Variants in MB21D2 observed in about 807,000 individuals in gnomAD.
MB21D2 encodes nucleotidyltransferase MB21D2.
MB21D2 carries 9 observed loss-of-function variants against 33.3 expected under a neutral mutation model. The ratio of observed to expected loss-of-function variants is 0.27; its 90% CI spans 0.16 to 0.47. The LOEUF (loss-of-function observed/expected upper bound fraction) is 0.47. Among genes scored for constraint, MB21D2 ranks in the 20% least tolerant of loss-of-function variants. The pLI, the probability that MB21D2 is intolerant of heterozygous loss-of-function variation, is 0.99. For synonymous variants in MB21D2, 241 were observed against 236.3 expected, an observed-to-expected ratio of 1.02 and a Z score of -0.18; for missense variants, 540 against 624.6, an observed-to-expected ratio of 0.86 and a Z score of 1.44.
chr3:192,886,069 T>C (rs1031900068), intron 1 of MB21D2, among the ~76,000 whole-genome samples: 1 of 151,954 alleles, frequency 6.6e-6, no homozygotes, highest in African/African-American at 2.4e-5. Context: ...CAAGCAATTC[T>C]CTGCCTCAGC....
At chr3:192,817,848 G>A (rs144193659) in intron 1 of MB21D2, among the ~76,000 whole-genome samples, 64 of 152,030 alleles carry the variant, frequency 4.2e-4, no homozygotes, top group Admixed American at 2.3e-3. Flanking sequence ...TCCTTCCACG[G>A]TGCCCCCATC....
intron 1 of MB21D2, among the ~76,000 whole-genome samples, chr3:192,894,931 T>C (rs376709753): frequency 2.0e-5 from 3 of 152,310 alleles, no homozygotes; most frequent in Admixed American, 6.5e-5. Flanking sequence ...AATCTCCTCT[T>C]TGTCTGACAT....
chr3:192,876,416 C>G (rs1000225586), intron 1 of MB21D2, among the ~76,000 whole-genome samples: 5 of 152,374 alleles, frequency 3.3e-5, no homozygotes, highest in Non-Finnish European at 7.3e-5. Flanking sequence ...AATTGCTGCT[C>G]TTACTCCAGT....
chr3:192,809,296 G>A (rs1486789937), intron 1 of MB21D2, among the ~76,000 whole-genome samples: 9 of 152,062 alleles, frequency 5.9e-5, no homozygotes, highest in African/African-American at 1.2e-4. Flanking sequence ...GGGTTTCACC[G>A]TATTGGCCAG....
At chr3:192,868,055 G>C (rs1327908951) in intron 1 of MB21D2, among the ~76,000 whole-genome samples, 1 of 152,172 alleles carries the variant, frequency 6.6e-6, no homozygotes, top group Non-Finnish European at 1.5e-5. Flanking sequence ...CTGACTCAAA[G>C]AATCACCAGA....
chr3:192,896,068 G>A lies in MB21D2; in HGVS notation c.211+21562C>T, dbSNP rs536314550. On this transcript the variant is annotated intron_variant, in intron 1 of 1. Coordinates refer to ENST00000392452, the MANE Select transcript of MB21D2 (RefSeq NM_178496.4). ...AGAGAAGAGCAGTTTTATGTACTCCGCTGCTCGTTTAACATACAACACATG... is the reference window on the plus strand; with the variant it reads ...AGAGAAGAGCAGTTTTATGTACTCCACTGCTCGTTTAACATACAACACATG... Among the ~76,000 whole-genome samples, 33 of 152,202 alleles carry A rather than the reference G, an allele frequency of 2.2e-4. 2 individuals carry two copies. The South Asian group carries it at 6.0e-3, about 28-fold the overall frequency.
chr3:192,901,701 C>T (rs767386317), intron 1 of MB21D2, among the ~76,000 whole-genome samples: 4 of 152,202 alleles, frequency 2.6e-5, no homozygotes, highest in Non-Finnish European at 4.4e-5. Context: ...GGGTCACTCA[C>T]AGCACTAAAG....
intron 1 of MB21D2, among the ~76,000 whole-genome samples, chr3:192,902,061 C>T (rs1439686959): frequency 7.2e-5 from 11 of 152,144 alleles, no homozygotes; most frequent in Admixed American, 7.2e-4. Context: ...AGATTTCATC[C>T]AGGACTTTTC....
At chr3:192,901,413 C>CAA (rs71635401) in intron 1 of MB21D2, among the ~76,000 whole-genome samples, 40,398 of 100,222 alleles carry the variant, frequency 0.4, 7,765 homozygotes, top group South Asian at 0.51. Flanking sequence ...ACTAAAAATT[C>CAA]AAAAAAAAAA....
chr3:192,914,515 A>T (rs1193274202), intron 1 of MB21D2, among the ~76,000 whole-genome samples: 3 of 152,182 alleles, frequency 2.0e-5, no homozygotes. Context: ...GCTAATACCA[A>T]ATATTATTAA....
chr3:192,897,231 G>A (rs1577200189), intron 1 of MB21D2, among the ~76,000 whole-genome samples: 3 of 152,188 alleles, frequency 2.0e-5, no homozygotes, highest in Admixed American at 2.0e-4. Flanking sequence ...CTAGTTTGAT[G>A]CAACAAACTA....
intron 1 of MB21D2, among the ~76,000 whole-genome samples, chr3:192,861,660 C>T (rs936085481): frequency 4.6e-5 from 7 of 152,084 alleles, no homozygotes; most frequent in Non-Finnish European, 8.8e-5. Flanking sequence ...CGAAATTAGC[C>T]GGGCGTGGTG....
At chr3:192,801,898 A>C (rs1363556568) in intron 1 of MB21D2, among the ~76,000 whole-genome samples, 1 of 152,238 alleles carries the variant, frequency 6.6e-6, no homozygotes, top group East Asian at 1.9e-4. Context: ...TATTTAGTAC[A>C]ATTCTTTACA....
chr3:192,865,649 T>A (rs142782325), intron 1 of MB21D2, among the ~76,000 whole-genome samples: 16 of 152,272 alleles, frequency 1.1e-4, no homozygotes, highest in African/African-American at 2.2e-4. Context: ...GTGGCTGTGA[T>A]GAAGCTTAGA....
At chr3:192,836,690 A>C (rs1712446566) in intron 1 of MB21D2, among the ~76,000 whole-genome samples, 1 of 152,128 alleles carries the variant, frequency 6.6e-6, no homozygotes, top group African/African-American at 2.4e-5. Flanking sequence ...TGAGAAAACA[A>C]ATTTCTGCTG....
At chr3:192,904,509 C>G (rs576852743) in intron 1 of MB21D2, among the ~76,000 whole-genome samples, 136 of 152,354 alleles carry the variant, frequency 8.9e-4, no homozygotes, top group African/African-American at 3.2e-3. Context: ...CCCAGACCCT[C>G]GGCCCCGGGC....
At chr3:192,846,280 A>C (rs1344357868) in intron 1 of MB21D2, among the ~76,000 whole-genome samples, 4 of 152,202 alleles carry the variant, frequency 2.6e-5, no homozygotes. Context: ...GATACATAAA[A>C]TAACAGTAAT....
intron 1 of MB21D2, among the ~76,000 whole-genome samples, chr3:192,903,907 A>C (rs1156589884): frequency 6.6e-6 from 1 of 152,216 alleles, no homozygotes; most frequent in African/African-American, 2.4e-5. Context: ...TCATGACTGG[A>C]AACTCTCTGA....
At chr3:192,889,611 T>C (rs974308871) in intron 1 of MB21D2, among the ~76,000 whole-genome samples, 1 of 152,076 alleles carries the variant, frequency 6.6e-6, no homozygotes, top group Non-Finnish European at 1.5e-5. Context: ...CTAGAGTTTA[T>C]CACAGGAAGA....
Sources: gnomAD v4.1 joint callset for allele counts (sites outside exome capture counted in the v4.1 genomes callset) on GRCh38, gnomAD v4.1.1 for gene constraint, MANE v1.5 for transcripts, NCBI Gene and HGNC (gene_info 2026-07-23, HGNC 2026-07-21) for gene names.